The following LOXHD1 variants were observed in gnomAD, a reference collection of about 807,000 sequenced individuals.
LOXHD1 encodes the protein lipoxygenase homology PLAT domains 1, also known as lipoxygenase homology domain-containing protein 1.
In LOXHD1, 205 loss-of-function variants were observed where a neutral mutation model predicts 248.2. The ratio of observed to expected loss-of-function variants is 0.83; its 90% CI spans 0.74 to 0.93. The LOEUF is 0.93. LOXHD1 is among the 40% of genes least tolerant of loss of function. The pLI, the probability that LOXHD1 is intolerant of heterozygous loss-of-function variation, is 0.00. For missense variants in LOXHD1, 2,930 were observed against 2,971.6 expected (o/e 0.99, Z 0.33); for synonymous variants, 1,113 against 1,162.8 (o/e 0.96, Z 0.87).
At chr18:46,559,662 A>T (rs1212762005) in intron 19 of LOXHD1, 60 bp from the exon 20 acceptor site, 2 of 1,516,760 alleles carry the variant, frequency 1.3e-6, no homozygotes, top group Non-Finnish European at 1.8e-6. Context: ...TTTGGACCTG[A>T]GGCACAGCCT....
chr18:46,566,193 C>T (rs2037636258), intron 17 of LOXHD1, 64 bp downstream of exon 17: 2 of 1,483,908 alleles, frequency 1.3e-6, no homozygotes, highest in African/African-American at 1.4e-5. Flanking sequence ...GGTCCCTCCT[C>T]CTTCCCCTCA....
intron 6 of LOXHD1, among the ~76,000 whole-genome samples, chr18:46,608,480 T>G (rs140355541): frequency 5.4e-4 from 83 of 152,294 alleles, no homozygotes; most frequent in Middle Eastern, 3.4e-3. Context: ...CCACTAAACC[T>G]TGTGTTTTTA....
At position 46,506,018 on chromosome 18, in the gene LOXHD1, C is replaced by T. The variant is rs1163660255; in HGVS notation, c.5698G>A (p.Gly1900Ser). The T allele has an allele frequency of 2.6e-6, 4 of 1,552,178 alleles. No individual in the cohort carries two copies. The highest frequency in any genetic ancestry group is 3.5e-6 in the Non-Finnish European group (4 of 1,147,064). ...AVKTSDILGAGTDANVFIIIF... is the reference protein window; with the variant it reads ...AVKTSDILGASTDANVFIIIF... ...ATGATGAACACGTTGGCATCAGTGC[C>T]TGCTCCTGGGGGGTGCACAAGGTGA... Residue 1900 changes from glycine (G) to serine (S), a missense_variant, in exon 37 of 41, where the codon GGC becomes AGC. Transcript: ENST00000642948.
chr18:46,521,156 C>T lies in LOXHD1; in HGVS notation c.5212G>A (p.Gly1738Ser), dbSNP rs988558662. 26 of 1,551,588 alleles carry T rather than the reference C, an allele frequency of 1.7e-5. No individual in the cohort carries two copies. The highest frequency in any genetic ancestry group is 1.4e-4 in the Admixed American group (7 of 50,968). ...NCWLAKDRGD[G>S]ITSRVFDLLD... ...AGGTCGAAGACACGGGAGGTGATGC[C>T]GTCGCCTCTGTCCTTGGCCAGCCAG... The change falls in exon 33 of 41, where the codon GGC (glycine) becomes AGC (serine). Residue 1738 changes from glycine (G) to serine (S), a missense_variant. Physicochemically the swap from Gly to Ser is moderately conservative, Grantham distance 56. Transcript: ENST00000642948.
intron 4 of LOXHD1, among the ~76,000 whole-genome samples, chr18:46,627,163 CT>C (rs1304399158): frequency 6.6e-6 from 1 of 152,174 alleles, no homozygotes; most frequent in African/African-American, 2.4e-5. Flanking sequence ...TCGAAAGTTC[CT>C]GCCAATTTAT....
chr18:46,483,659 C>T lies in LOXHD1; in HGVS notation c.6269G>A (p.Arg2090Gln), dbSNP rs760286647. The change falls in exon 40 of 41, where the codon CGG becomes CAG. Residue 2090 changes from arginine (R) to glutamine (Q), a missense_variant. Transcript: ENST00000642948. ...LCVGHLAREDRFIPKRELAWH... is the reference protein window; with the variant it reads ...LCVGHLAREDQFIPKRELAWH... The stretch of plus-strand genomic sequence containing the variant: ...GGCAAGTTCTCTCTTGGGGATAAAC[C>T]GGTCTTCCCTGGCAAGGTGGCCCAC... 27 of 1,551,556 alleles carry T rather than the reference C, an allele frequency of 1.7e-5. No individual in the cohort carries two copies. Among genetic ancestry groups the T allele is most frequent in the Middle Eastern group, 1.7e-4 (1 of 6,016 alleles).
chr18:46,500,694 C>T lies in LOXHD1; in HGVS notation c.5878+5144G>A, dbSNP rs2034170501. Among the ~76,000 whole-genome samples, 3 of 152,264 alleles carry T rather than the reference C, an allele frequency of 2.0e-5. No individual in the cohort carries two copies. In the South Asian group the frequency reaches 6.2e-4, roughly 32 times the overall value. On this transcript the variant is annotated intron_variant, in intron 37 of 40. Transcript: ENST00000642948. ...CATGGCTTACAATATTATGCATGGC[C>T]TGGTTCCTATCTATATTGTAGCTTC...
intron 25 of LOXHD1, among the ~76,000 whole-genome samples, chr18:46,540,775 C>CCT (rs2036527723): frequency 6.7e-6 from 1 of 149,332 alleles, no homozygotes; most frequent in African/African-American, 2.5e-5. Context: ...ATCTTTCAGG[C>CCT]CAGAGTCTGT....
chr18:46,504,303 G>T (rs1000855516), intron 37 of LOXHD1, among the ~76,000 whole-genome samples: 5 of 152,032 alleles, frequency 3.3e-5, no homozygotes, highest in African/African-American at 1.2e-4. Context: ...ATGGAGTTTC[G>T]CCATGTTGCC....
At chr18:46,582,517 T>C (rs2037982852) in intron 12 of LOXHD1, among the ~76,000 whole-genome samples, 1 of 152,022 alleles carries the variant, frequency 6.6e-6, no homozygotes. Context: ...ATAAGACATA[T>C]AAGTAGTAAG....
chr18:46,533,621 T>C (rs944380997), intron 27 of LOXHD1: 1 of 361,632 alleles, frequency 2.8e-6, no homozygotes, highest in Non-Finnish European at 5.2e-6. Context: ...GGGTGCTCTG[T>C]ATTTAAAAAT....
chr18:46,609,092 T>C (rs930516069), intron 6 of LOXHD1, among the ~76,000 whole-genome samples: 3 of 152,246 alleles, frequency 2.0e-5, no homozygotes, highest in Admixed American at 6.5e-5. Context: ...ACAGTCTTTA[T>C]GCCCCTTGTC....
At chr18:46,497,476 G>A (rs1186089715) in intron 37 of LOXHD1, among the ~76,000 whole-genome samples, 1 of 152,144 alleles carries the variant, frequency 6.6e-6, no homozygotes, top group African/African-American at 2.4e-5. Flanking sequence ...TCTTGAGGGT[G>A]GGGGCAGCTG....
chr18:46,531,231 AC>A (rs1330844989), intron 28 of LOXHD1, among the ~76,000 whole-genome samples: 1 of 150,732 alleles, frequency 6.6e-6, no homozygotes, highest in Non-Finnish European at 1.5e-5. Flanking sequence ...ACTTGCTCCC[AC>A]CCCACTCTGC....
At position 46,555,555 on chromosome 18, in the gene LOXHD1, T is replaced by C. The variant is rs117973508; in HGVS notation, c.3350+1801A>G. Among the ~76,000 whole-genome samples the C allele has an allele frequency of 2.6e-5, 4 of 152,294 alleles. No individual in the cohort carries two copies. The East Asian group carries it at 7.7e-4, about 29-fold the overall frequency. On this transcript the variant is annotated intron_variant, in intron 21 of 40. Transcript: ENST00000642948. ...CACAGAGGGGAGCCCAACAAGTCTA[T>C]GGGCTGGAAAGTTGATTTAATTCAA... is the stretch of plus-strand genomic sequence containing the variant.
At chr18:46,621,473 C>T (rs1291654026) in intron 4 of LOXHD1, among the ~76,000 whole-genome samples, 1 of 152,212 alleles carries the variant, frequency 6.6e-6, no homozygotes, top group East Asian at 1.9e-4. Flanking sequence ...GAGAACAAGG[C>T]TGAGGAAAAG....
intron 6 of LOXHD1, among the ~76,000 whole-genome samples, chr18:46,609,303 C>T (rs1371518698): frequency 1.3e-5 from 2 of 152,294 alleles, no homozygotes; most frequent in Admixed American, 1.3e-4. Context: ...ATTTGGATTT[C>T]CTGGCTGAAG....
In LOXHD1 at chr18:46,657,150, C is replaced by T. The variant is rs1374537391; in HGVS notation, c.-117G>A. 8 of 1,494,582 alleles carry T rather than the reference C, an allele frequency of 5.4e-6. No individual in the cohort carries two copies. The African/African-American group carries it at 5.6e-5, about 10-fold the overall frequency. 92.6% of individuals were successfully genotyped at this position (1,494,582 alleles called of 1,614,324 possible). On this transcript the variant is annotated 5_prime_UTR_variant, in exon 1 of 41. Coordinates refer to ENST00000642948, the MANE Select transcript of LOXHD1 (RefSeq NM_001384474.1). ...GCCCACGGCCCTCCTATAGCTCAGG[C>T]CTGGGTGGGCCAGAGTGCCCCGTTT...
intron 12 of LOXHD1, among the ~76,000 whole-genome samples, chr18:46,585,535 A>C (rs562571684): frequency 2.0e-5 from 3 of 152,296 alleles, no homozygotes; most frequent in African/African-American, 7.2e-5. Context: ...TTTTGAAAGA[A>C]AATAGAGATC....
Sources: allele counts gnomAD v4.1 joint callset (sites outside exome capture counted in the v4.1 genomes callset), GRCh38; gene constraint gnomAD v4.1.1; transcripts MANE v1.5; gene names NCBI Gene and HGNC (gene_info 2026-07-23, HGNC 2026-07-21).